WASF2: variants seen among roughly 807,000 people sequenced by gnomAD.
WASF2 encodes actin-binding protein WASF2.
In WASF2, 14 loss-of-function variants were observed where a neutral mutation model predicts 45.0. The ratio of observed to expected loss-of-function variants is 0.31; its 90% CI spans 0.21 to 0.49. The LOEUF is 0.49. Ranked by LOEUF, WASF2 falls within the 20% of genes least tolerant of loss-of-function variation. The probability of loss-of-function intolerance (pLI) is 0.99; values close to 1 mark genes in which losing one functional copy is unlikely to be tolerated. For missense variants in WASF2, 439 were observed against 636.1 expected, an observed-to-expected ratio of 0.69 and a Z score of 3.33; for synonymous variants, 200 against 236.3, an observed-to-expected ratio of 0.85 and a Z score of 1.41.
At chr1:27,450,151 GA>G (rs1009008411) in intron 1 of WASF2, among the ~76,000 whole-genome samples, 2 of 143,334 alleles carry the variant, frequency 1.4e-5, no homozygotes, top group South Asian at 2.2e-4. Flanking sequence ...CTCAAAAAAA[GA>G]AAAAAAAAAT....
chr1:27,441,648 G>A (rs1327293269), intron 1 of WASF2, among the ~76,000 whole-genome samples: 9 of 151,846 alleles, frequency 5.9e-5, no homozygotes, highest in Admixed American at 1.3e-4. Flanking sequence ...CAGCTACTCC[G>A]GAGGCTGAGG....
intron 1 of WASF2, among the ~76,000 whole-genome samples, chr1:27,429,973 G>A (rs1409547649): frequency 3.3e-5 from 5 of 151,930 alleles, no homozygotes; most frequent in African/African-American, 1.2e-4. Context: ...GCTCCCATCC[G>A]GTTCAACACA....
chr1:27,431,658 C>T (rs1447429488), intron 1 of WASF2, among the ~76,000 whole-genome samples: 2 of 152,168 alleles, frequency 1.3e-5, no homozygotes, highest in African/African-American at 2.4e-5. Context: ...TCTGGACTTT[C>T]CCTCTGGATA....
At chr1:27,408,889 T>C (rs1299462925) in intron 8 of WASF2, among the ~76,000 whole-genome samples, 1 of 150,908 alleles carries the variant, frequency 6.6e-6, no homozygotes, top group Non-Finnish European at 1.5e-5. Context: ...AAAAAGGAGT[T>C]AGAAAGAGGG....
At position 27,483,136 on chromosome 1, in the gene WASF2, A is replaced by T. The variant is rs1033013312; in HGVS notation, c.-44+6850T>A. Among the ~76,000 whole-genome samples, 4 of 152,176 alleles carry T rather than the reference A, an allele frequency of 2.6e-5. No homozygotes were observed. In the South Asian group the frequency reaches 8.3e-4, roughly 31 times the overall value. ...AATCACTTGAGGTCAAGAGTTCGAG[A>T]TCAGCCTGGCCAACATGGTGAAACC... On this transcript the variant is annotated intron_variant, in intron 1 of 8. Transcript: ENST00000618852.
intron 1 of WASF2, among the ~76,000 whole-genome samples, chr1:27,468,497 T>C (rs557323206): frequency 6.6e-6 from 1 of 150,972 alleles, no homozygotes; most frequent in Non-Finnish European, 1.5e-5. Flanking sequence ...AAAAATTAGC[T>C]GGTCGTGGTG....
At chr1:27,440,849 G>A (rs551048267) in intron 1 of WASF2, among the ~76,000 whole-genome samples, 1 of 152,234 alleles carries the variant, frequency 6.6e-6, no homozygotes, top group East Asian at 1.9e-4. Flanking sequence ...ATATATGACA[G>A]TGGTCCCATA....
rs2016668118 is a variant in WASF2, at chr1:27,405,965, C to T, written c.*2224G>A. The T allele has an allele frequency of 1.3e-5, 2 of 152,476 alleles. No individual in the cohort carries two copies. Among genetic ancestry groups the T allele is most frequent in the South Asian group, 4.2e-4 (2 of 4,818 alleles). The allele number at this position is 152,476 out of a possible 1,614,324, so 9.4% of individuals were successfully genotyped here. ...ACTCAGTCCATTCCAGAAGCCAGGC[C>T]AACACCGCCCCCTTCAAGGTCAGAG... On this transcript the variant is annotated 3_prime_UTR_variant, in exon 9 of 9. Coordinates refer to ENST00000618852, the MANE Select transcript of WASF2 (RefSeq NM_006990.5).
chr1:27,472,095 G>A (rs992368546), intron 1 of WASF2, among the ~76,000 whole-genome samples: 12 of 152,096 alleles, frequency 7.9e-5, no homozygotes, highest in South Asian at 2.1e-4. Context: ...TACTTTCAGA[G>A]GCAGAGGCGG....
intron 2 of WASF2, among the ~76,000 whole-genome samples, chr1:27,419,770 C>A (rs2016880536): frequency 1.3e-5 from 2 of 152,202 alleles, no homozygotes; most frequent in Admixed American, 1.3e-4. Context: ...CTCAATGGAG[C>A]CTTGAAAATA....
At chr1:27,482,619 A>G (rs1487913598) in intron 1 of WASF2, among the ~76,000 whole-genome samples, 1 of 152,228 alleles carries the variant, frequency 6.6e-6, no homozygotes, top group East Asian at 1.9e-4. Flanking sequence ...ATAGATCTGC[A>G]TAAATAATTC....
intron 1 of WASF2, among the ~76,000 whole-genome samples, chr1:27,483,653 A>C (rs1054691050): frequency 6.6e-6 from 1 of 151,840 alleles, no homozygotes; most frequent in Non-Finnish European, 1.5e-5. Flanking sequence ...CAACAACAAC[A>C]AAAAGGGGGT....
At chr1:27,467,237 AACACAC>A (rs949862642) in intron 1 of WASF2, among the ~76,000 whole-genome samples, 1 of 148,298 alleles carries the variant, frequency 6.7e-6, no homozygotes, top group Non-Finnish European at 1.5e-5. Flanking sequence ...AAAAAACCAA[AACACAC>A]ACACACACAC....
chr1:27,415,029 C>G (rs2016809047), intron 5 of WASF2, 66 bp from the exon 6 acceptor site: 1 of 1,579,972 alleles, frequency 6.3e-7, no homozygotes, highest in South Asian at 1.1e-5. Flanking sequence ...AAAATTCTAC[C>G]CATCTTCATG....
rs958610120 is a variant in WASF2 at position 27,414,718 on chromosome 1, T to C, written c.668+115A>G. The C allele has an allele frequency of 7.2e-7, 1 of 1,393,512 alleles. No homozygotes were observed. Among genetic ancestry groups the C allele is most frequent in the Non-Finnish European group, 9.7e-7 (1 of 1,025,768 alleles). The allele number at this position is 1,393,512 out of a possible 1,614,324, so 86.3% of individuals were successfully genotyped here. A position where few individuals can be genotyped will look rare whatever the true frequency, so the allele number is the denominator to read the frequency against. ...AGTAGCTGATTAACAGTGGTATTGA[T>C]CTAAGCCACAGAGACAGACTTCAGG... On this transcript the variant is annotated intron_variant, in intron 6 of 8. Coordinates refer to ENST00000618852, the MANE Select transcript of WASF2 (RefSeq NM_006990.5). The surrounding 1 kb of genome is among the most constrained non-coding windows in gnomAD (Gnocchi z 4.1).
intron 1 of WASF2, among the ~76,000 whole-genome samples, chr1:27,463,806 T>C (rs1023889517): frequency 7.3e-6 from 1 of 137,728 alleles, no homozygotes; most frequent in Admixed American, 7.1e-5. Context: ...TTATTATTAT[T>C]TTTTTTTTTT....
Position 27,409,854 on chromosome 1 carries a change from G to T in WASF2, c.1177C>A (p.Pro393Thr), listed in dbSNP as rs746315475. Residue 393 changes from proline to threonine, a missense_variant, in exon 8 of 9, where the codon CCT (proline) becomes ACT (threonine). Physicochemically the swap from Pro to Thr is conservative, Grantham distance 38. Around this residue, in one of 5 missense-constraint regions of WASF2, gnomAD observed 286 missense variants for 373.5 expected, o/e 0.77. Transcript: ENST00000618852. Reference protein sequence around the residue: ...LSQPTGGAPPPPPPPPPPGPP... With the variant: ...LSQPTGGAPPTPPPPPPPGPP... ...CCCGGAGGAGGAGGAGGAGGGGGAG[G>T]AGGAGGTGCTCCTCCTGTTGGCTGG... 41 of 1,550,290 alleles carry T rather than the reference G, an allele frequency of 2.6e-5. No individual in the cohort carries two copies. The highest frequency in any genetic ancestry group is 3.4e-5 in the Non-Finnish European group (39 of 1,144,560).
At chr1:27,448,217 T>C (rs2017335777) in intron 1 of WASF2, among the ~76,000 whole-genome samples, 1 of 152,234 alleles carries the variant, frequency 6.6e-6, no homozygotes, top group Non-Finnish European at 1.5e-5. Flanking sequence ...GTTCCTTTCC[T>C]ATTCTCCATG....
chr1:27,465,200 A>T (rs887881641), intron 1 of WASF2, among the ~76,000 whole-genome samples: 4 of 152,196 alleles, frequency 2.6e-5, no homozygotes. Context: ...GACTCCACAC[A>T]TGAAAGTTGA....
Sources: allele counts gnomAD v4.1 joint callset (sites outside exome capture counted in the v4.1 genomes callset), GRCh38; gene constraint gnomAD v4.1.1; regional missense constraint gnomAD v4.1.1; non-coding constraint Gnocchi (gnomAD v3.1); transcripts MANE v1.5; gene names NCBI Gene and HGNC (gene_info 2026-07-23, HGNC 2026-07-21).